SGCG: variants seen among roughly 807,000 people sequenced by gnomAD.
The protein encoded by SGCG is gamma-sarcoglycan.
In SGCG, 26 loss-of-function variants were observed where a neutral mutation model predicts 29.3. That is an observed-to-expected ratio of 0.89 (90% CI 0.65 to 1.23). SGCG has a LOEUF of 1.23. Ranked by LOEUF, SGCG falls within the 50% of genes most tolerant of loss-of-function variation. The pLI, the probability that SGCG is intolerant of heterozygous loss-of-function variation, is 0.00. For synonymous variants in SGCG, 145 were observed against 129.7 expected (o/e 1.12, Z -0.80); for missense variants, 353 against 356.0 (o/e 0.99, Z 0.07).
At position 23,196,577 on chromosome 13, in the gene SGCG, C is replaced by A. The variant is rs79075560; in HGVS notation, c.1-7118C>A. On this transcript the variant is annotated intron_variant, in intron 1 of 7. Coordinates refer to ENST00000218867, the MANE Select transcript of SGCG (RefSeq NM_000231.3). ...GTATGTTTATTCGTCACGTGTATTT[C>A]TTTGATGTATACGTGTATTCATTGC... 9.2e-4 allele frequency among the ~76,000 whole-genome samples: 140 copies of A among 152,094 alleles called. No homozygotes were observed. In the East Asian group the frequency reaches 0.024, roughly 26 times the overall value.
At position 23,255,266 on chromosome 13, in the gene SGCG, C is replaced by G. The variant is rs141994738; in HGVS notation, c.385+4549C>G. On this transcript the variant is annotated intron_variant, in intron 4 of 7. Transcript: ENST00000218867. ...GGTGCTGGTCACCTTGAGGTGCCAT[C>G]TTATTGCCCCTTTCCTTTGACTGAT... Among the ~76,000 whole-genome samples, 21 of 152,356 alleles carry G rather than the reference C, an allele frequency of 1.4e-4. No homozygotes were observed. In the East Asian group the frequency reaches 4.1e-3, roughly 29 times the overall value.
At chr13:23,219,827 C>CTTTTTTTTTTTT (rs1184090222) in intron 2 of SGCG, among the ~76,000 whole-genome samples, 5 of 99,202 alleles carry the variant, frequency 5.0e-5, no homozygotes, top group Non-Finnish European at 5.9e-5. Context: ...ATTTCTTTTC[C>CTTTTTTTTTTTT]TTTTTTTTTT....
intron 5 of SGCG, among the ~76,000 whole-genome samples, chr13:23,286,618 A>T (rs1044126776): frequency 6.6e-6 from 1 of 152,246 alleles, no homozygotes; most frequent in Non-Finnish European, 1.5e-5. Flanking sequence ...TTTCTTATAC[A>T]TACATACTGT....
chr13:23,280,068 T>A (rs1052003367), intron 5 of SGCG, among the ~76,000 whole-genome samples: 4 of 152,100 alleles, frequency 2.6e-5, no homozygotes, highest in African/African-American at 9.7e-5. Context: ...CACAGACTCA[T>A]CAAATGTCAC....
Position 23,324,799 on chromosome 13 carries a change from C to A in SGCG, c.*258C>A. The A allele has an allele frequency of 2.1e-6, 1 of 473,938 alleles. No individual in the cohort carries two copies. The highest frequency in any genetic ancestry group is 3.9e-6 in the Non-Finnish European group (1 of 256,740). 29.4% of individuals were successfully genotyped at this position (473,938 alleles called of 1,614,324 possible). A position where few individuals can be genotyped will look rare whatever the true frequency, so the allele number is the denominator to read the frequency against. On this transcript the variant is annotated 3_prime_UTR_variant, in exon 8 of 8. Transcript: ENST00000218867. Reference sequence around the variant, plus strand: ...TCCACTGGATTAATTTTCACCGGAACAATTGCGAATTCTCTCTGCCTCGCC... The same window carrying A: ...TCCACTGGATTAATTTTCACCGGAAAAATTGCGAATTCTCTCTGCCTCGCC...
chr13:23,174,972 A>G, the SGCG span, among the ~76,000 whole-genome samples: 1 of 152,178 alleles, frequency 6.6e-6, no homozygotes, highest in Admixed American at 6.5e-5. Flanking sequence ...TCACAGGTGG[A>G]GGATGGAGCA....
chr13:23,254,822 G>A (rs1360454914), intron 4 of SGCG, among the ~76,000 whole-genome samples: 1 of 152,152 alleles, frequency 6.6e-6, no homozygotes, highest in East Asian at 1.9e-4. Flanking sequence ...GCCTCAAAGG[G>A]CCCCAGATAC....
At chr13:23,254,189 T>A (rs986718078) in intron 4 of SGCG, among the ~76,000 whole-genome samples, 4 of 152,104 alleles carry the variant, frequency 2.6e-5, no homozygotes, top group South Asian at 4.1e-4. Flanking sequence ...GACAGGAAGA[T>A]GACAGAAAGT....
chr13:23,186,139 C>G (rs942804669), intron 1 of SGCG, among the ~76,000 whole-genome samples: 4 of 152,218 alleles, frequency 2.6e-5, no homozygotes, highest in Non-Finnish European at 5.9e-5. Flanking sequence ...TCATCTAACA[C>G]CCTGGCTGGT....
chr13:23,288,057 A>G (rs1270094258), intron 5 of SGCG, among the ~76,000 whole-genome samples: 3 of 152,186 alleles, frequency 2.0e-5, no homozygotes, highest in African/African-American at 7.2e-5. Context: ...CCAGCCAATA[A>G]GAATGTTTTT....
At chr13:23,262,338 G>A (rs1301789802) in intron 4 of SGCG, among the ~76,000 whole-genome samples, 1 of 151,934 alleles carries the variant, frequency 6.6e-6, no homozygotes, top group Non-Finnish European at 1.5e-5. Context: ...GAAACCACAA[G>A]TGAGAATGAG....
In SGCG at chr13:23,311,127, C is replaced by T. The variant is rs548870; in HGVS notation, c.579-9510C>T. Among the ~76,000 whole-genome samples, 239 of 152,276 alleles carry T rather than the reference C, an allele frequency of 1.6e-3. 1 individual carries two copies. Among genetic ancestry groups the T allele is most frequent in the African/African-American group, 5.6e-3 (232 of 41,544 alleles). ...CCTTTATAGTCAAGTGCTGGTTAGG[C>T]TGAGCCAGATTTCTATCTAGGCTGA... On this transcript the variant is annotated intron_variant, in intron 6 of 7. Transcript: ENST00000218867.
At chr13:23,192,115 C>G (rs1877288257) in intron 1 of SGCG, among the ~76,000 whole-genome samples, 1 of 147,292 alleles carries the variant, frequency 6.8e-6, no homozygotes, top group Admixed American at 6.9e-5. Flanking sequence ...GCGGAGTTTG[C>G]AGTGAGCCGA....
intron 5 of SGCG, among the ~76,000 whole-genome samples, chr13:23,288,027 A>C (rs879750268): frequency 6.6e-6 from 1 of 152,240 alleles, no homozygotes; most frequent in African/African-American, 2.4e-5. Context: ...TGCTGGGATT[A>C]CAGGCGTGAG....
chr13:23,304,363 A>G (rs1226831394), intron 6 of SGCG, among the ~76,000 whole-genome samples: 3 of 152,090 alleles, frequency 2.0e-5, no homozygotes, highest in Non-Finnish European at 4.4e-5. Context: ...TGTGTGAGGT[A>G]TGAGGTATAA....
chr13:23,290,552 A>G (rs1449149394), intron 5 of SGCG, among the ~76,000 whole-genome samples: 1 of 152,202 alleles, frequency 6.6e-6, no homozygotes, highest in Non-Finnish European at 1.5e-5. Context: ...AGCATTTTTC[A>G]TTGGAGTAAT....
chr13:23,188,042 A>G (rs1009934681), intron 1 of SGCG, among the ~76,000 whole-genome samples: 11 of 152,246 alleles, frequency 7.2e-5, no homozygotes, highest in Non-Finnish European at 5.9e-5. Context: ...CAGTATGTGC[A>G]GCCCTGATGC....
At chr13:23,270,571 A>G (rs1312024072) in intron 4 of SGCG, among the ~76,000 whole-genome samples, 1 of 152,132 alleles carries the variant, frequency 6.6e-6, no homozygotes, top group African/African-American at 2.4e-5. Context: ...CCAATTAGGC[A>G]TTTTAACTTT....
intron 3 of SGCG, among the ~76,000 whole-genome samples, chr13:23,248,662 C>T (rs1879826421): frequency 6.7e-6 from 1 of 150,320 alleles, no homozygotes; most frequent in African/African-American, 2.5e-5. Context: ...CCACTGCACT[C>T]CAGCCTGGGC....
Sources: allele counts gnomAD v4.1 joint callset (sites outside exome capture counted in the v4.1 genomes callset), GRCh38; gene constraint gnomAD v4.1.1; transcripts MANE v1.5; gene names NCBI Gene and HGNC (gene_info 2026-07-23, HGNC 2026-07-21).